The following FANCI variants were observed in gnomAD, a reference collection of about 807,000 sequenced individuals.
FANCI encodes the protein FA complementation group I.
A neutral mutation model predicts 176.1 loss-of-function variants in FANCI; 156 were observed. The ratio of observed to expected loss-of-function variants is 0.89; its 90% CI spans 0.78 to 1.01. The LOEUF (loss-of-function observed/expected upper bound fraction) is 1.01. Among genes scored for constraint, FANCI ranks in the 50% least tolerant of loss-of-function variants. FANCI has a pLI of 0.00. For synonymous variants in FANCI, 613 were observed against 541.7 expected, an observed-to-expected ratio of 1.13 and a Z score of -1.83; for missense variants, 1,678 against 1,534.1, an observed-to-expected ratio of 1.09 and a Z score of -1.57.
intron 36 of FANCI, among the ~76,000 whole-genome samples, 198 bp downstream of exon 36, chr15:89,314,905 A>G (rs2055157222): frequency 2.3e-5 from 3 of 131,476 alleles, no homozygotes; most frequent in East Asian, 2.3e-4. Context: ...TGCACATTCA[A>G]GTGATCCTCT....
At position 89,288,805 on chromosome 15, in the gene FANCI, T is replaced by G. The variant is rs140118700; in HGVS notation, c.1822-1408T>G. Among the ~76,000 whole-genome samples, 896 of 152,018 alleles carry G rather than the reference T, an allele frequency of 5.9e-3. 2 individuals carry two copies. Among genetic ancestry groups the G allele is most frequent in the African/African-American group, 0.02 (838 of 41,482 alleles). The stretch of plus-strand genomic sequence containing the variant: ...ACCCAGCTAATTTTTCTGTTTGTTT[T>G]TTTTTTTAACCTTTTGTAGAGACAG... On this transcript the variant is annotated intron_variant, in intron 18 of 37. Transcript: ENST00000310775.
Position 89,281,878 on chromosome 15 carries a change from A to G in FANCI, c.1583+43A>G, listed in dbSNP as rs778328097. 44 of 1,556,464 alleles carry G rather than the reference A, an allele frequency of 2.8e-5. No individual in the cohort carries two copies. The Middle Eastern group carries it at 5.0e-4, about 18-fold the overall frequency. ...CTATCATAGGAAGACGTTGTCTTCT[A>G]ATGTTGGAGCTAAAGTTATCTCTGC... On this transcript the variant is annotated intron_variant, in intron 16 of 37. Coordinates refer to ENST00000310775, the MANE Select transcript of FANCI (RefSeq NM_001113378.2).
chr15:89,309,338 A>G (rs1224678514), intron 34 of FANCI, among the ~76,000 whole-genome samples: 1 of 152,216 alleles, frequency 6.6e-6, no homozygotes, highest in Non-Finnish European at 1.5e-5. Context: ...CTATAAAGAC[A>G]CATTTCACAA....
chr15:89,246,715 C>T (rs575029257), intron 1 of FANCI, among the ~76,000 whole-genome samples: 2 of 150,736 alleles, frequency 1.3e-5, no homozygotes, highest in South Asian at 2.1e-4. Flanking sequence ...ACAGTTACAT[C>T]TTTTACCTTG....
chr15:89,272,609 A>C (rs1337184124), intron 10 of FANCI, among the ~76,000 whole-genome samples: 3 of 152,058 alleles, frequency 2.0e-5, no homozygotes, highest in Non-Finnish European at 4.4e-5. Flanking sequence ...AAATATTACA[A>C]TTTTTGCTCT....
rs905214823 is a variant in FANCI, at chr15:89,306,113, T to G, written c.3456T>G (p.Ala1152=). The change falls in exon 32 of 38, where the codon GCT becomes GCG. Residue 1152 remains alanine, a synonymous_variant. Coordinates refer to ENST00000310775, the MANE Select transcript of FANCI (RefSeq NM_001113378.2). ...LTFFHELVQT[A]LPSGSCVDTL... ...TTTTCCACGAGCTGGTGCAGACAGC[T>G]CTGCCATCAGGCAGCTGTGTGGACA... is the stretch of plus-strand genomic sequence containing the variant. 6.2e-7 allele frequency: 1 copy of G among 1,614,086 alleles called. No individual in the cohort carries two copies. Among genetic ancestry groups the G allele is most frequent in the African/African-American group, 1.3e-5 (1 of 74,920 alleles).
At chr15:89,246,763 C>CT (rs35104299) in intron 1 of FANCI, among the ~76,000 whole-genome samples, 4,516 of 113,854 alleles carry the variant, frequency 0.04, 350 homozygotes, top group African/African-American at 0.11. Context: ...TTCTTCCTTT[C>CT]TTTTTTTTTT....
At chr15:89,257,669 C>T (rs1056473645) in intron 2 of FANCI, among the ~76,000 whole-genome samples, 2 of 152,144 alleles carry the variant, frequency 1.3e-5, no homozygotes, top group Non-Finnish European at 2.9e-5. Context: ...AAGAAGAGCC[C>T]AATTTCCAAA....
At chr15:89,285,732 C>T (rs2053790280) in intron 18 of FANCI, among the ~76,000 whole-genome samples, 1 of 151,440 alleles carries the variant, frequency 6.6e-6, no homozygotes, top group Non-Finnish European at 1.5e-5. Flanking sequence ...AGACTAAGTC[C>T]TTTTTTTTGC....
Position 89,315,319 on chromosome 15 carries a change from G to GA in FANCI, c.3855dup (p.Asp1286ArgfsTer18). The GA allele has an allele frequency of 6.2e-7, 1 of 1,613,956 alleles. No homozygotes were observed. On this transcript the variant is annotated frameshift_variant, in exon 37 of 38. Transcript: ENST00000310775. LOFTEE classifies it high-confidence loss of function. ...CAGCACATGAAGCTCAGCACCTCAC[G>GA]AGACTTCAAGATCAAAGGAAACATC...
At chr15:89,288,522 G>A (rs1240244723) in intron 18 of FANCI, among the ~76,000 whole-genome samples, 1 of 151,358 alleles carries the variant, frequency 6.6e-6, no homozygotes, top group Non-Finnish European at 1.5e-5. Context: ...ATGCCAGATT[G>A]CCATTTGCTT....
chr15:89,256,790 C>G (rs2052513345), intron 2 of FANCI, among the ~76,000 whole-genome samples: 1 of 152,186 alleles, frequency 6.6e-6, no homozygotes, highest in Admixed American at 6.5e-5. Flanking sequence ...AGTAAGCTCT[C>G]AGGGTGATTT....
rs376878485 is a variant in FANCI, at chr15:89,306,208, A to T, written c.3537+14A>T. On this transcript the variant is annotated intron_variant, in intron 32 of 37. Transcript: ENST00000310775. The stretch of plus-strand genomic sequence containing the variant: ...CTTGTCAGATATGTGAGTATTTGAG[A>T]CAAGCAGATTCGCCCCACCATTCTA... 1 of 1,613,884 alleles carries T rather than the reference A, an allele frequency of 6.2e-7. No homozygotes were observed.
At chr15:89,296,974 C>T (rs1185294815) in intron 24 of FANCI, among the ~76,000 whole-genome samples, 9 of 147,916 alleles carry the variant, frequency 6.1e-5, no homozygotes, top group Non-Finnish European at 1.2e-4. Context: ...GGGGCTGACC[C>T]CCCCCACCTC....
Position 89,303,880 on chromosome 15 carries a change from C to G in FANCI, c.3023C>G (p.Ser1008Cys). 1 of 1,613,944 alleles carries G rather than the reference C, an allele frequency of 6.2e-7. No homozygotes were observed. The highest frequency in any genetic ancestry group is 2.2e-5 in the East Asian group (1 of 44,854). The change falls in exon 28 of 38, where the codon TCC (serine) becomes TGC (cysteine). Residue 1008 changes from serine (S) to cysteine (C), a missense_variant. Ser to Cys is a moderately radical substitution (Grantham distance 112). Transcript: ENST00000310775. ...CTAATTTAGTTTGTGCAGATGTTAT[C>G]CTGGACATCAAAGATTTGCAAGGAA... ...PSSPQFVQML[S>C]WTSKICKENS...
intron 26 of FANCI, among the ~76,000 whole-genome samples, chr15:89,301,072 A>G (rs147934277): frequency 6.6e-6 from 1 of 152,356 alleles, no homozygotes; most frequent in African/African-American, 2.4e-5. Flanking sequence ...TACATAGTTC[A>G]TTATCTACAT....
intron 24 of FANCI, among the ~76,000 whole-genome samples, chr15:89,298,177 T>A (rs28515523): frequency 1.3e-5 from 2 of 152,052 alleles, no homozygotes; most frequent in Admixed American, 6.6e-5. Flanking sequence ...TTGACACTTA[T>A]AAGAACACTC....
At position 89,274,225 on chromosome 15, in the gene FANCI, C is replaced by T; in HGVS notation, c.1033C>T (p.Gln345Ter). 3.1e-6 allele frequency: 5 copies of T among 1,608,836 alleles called. No homozygotes were observed. The highest frequency in any genetic ancestry group is 4.2e-6 in the Non-Finnish European group (5 of 1,177,304). The change falls in exon 12 of 38, where the codon CAA (glutamine) becomes TAA (stop). Residue 345 changes from glutamine (Q) to a stop codon, truncating the protein, a stop_gained. Transcript: ENST00000310775. LOFTEE classifies it high-confidence loss of function. ...VKSFKDLQLL[Q>*]GSKFLQNLVP... ...GAGCTTTAAGGATCTTCAACTCCTC[C>T]AAGGCTCAAAATTTCTTCAGAATCT...
chr15:89,278,232 C>T (rs1490795319), intron 13 of FANCI, among the ~76,000 whole-genome samples: 7 of 152,130 alleles, frequency 4.6e-5, no homozygotes, highest in Non-Finnish European at 1.0e-4. Flanking sequence ...AGTGAAAATT[C>T]AGAATGGGTC....
Sources: gnomAD v4.1 joint callset for allele counts (sites outside exome capture counted in the v4.1 genomes callset) on GRCh38, gnomAD v4.1.1 for gene constraint, MANE v1.5 for transcripts, NCBI Gene and HGNC (gene_info 2026-07-23, HGNC 2026-07-21) for gene names.